The following RNF7 variants were observed in gnomAD, a reference collection of about 807,000 sequenced individuals.
RNF7 encodes the protein RING-box protein 2.
RNF7 carries 9 observed loss-of-function variants against 17.0 expected under a neutral mutation model. The observed-to-expected ratio is 0.53, with a 90% CI of 0.32 to 0.92. The LOEUF is 0.92. RNF7 is among the 40% of genes least tolerant of loss of function. The pLI is 0.04. For synonymous variants in RNF7, 59 were observed against 50.5 expected (o/e 1.17, Z -0.72); for missense variants, 87 against 145.8 (o/e 0.60, Z 2.08).
chr3:141,744,985 C>T (rs1422035755), intron 2 of RNF7, among the ~76,000 whole-genome samples, 174 bp from the exon 3 acceptor site: 1 of 152,160 alleles, frequency 6.6e-6, no homozygotes, highest in African/African-American at 2.4e-5. Context: ...ACTTATGTCT[C>T]TGTGTAACTT....
In RNF7 at chr3:141,747,551, A is replaced by G. The variant is rs1216260315; in HGVS notation, c.*2274A>G. ...AGTGAAATTCATAAATATATTTCCT[A>G]CACATATAATTTAAATGTATGTAAT... On this transcript the variant is annotated 3_prime_UTR_variant, in exon 3 of 3. Coordinates refer to ENST00000273480, the MANE Select transcript of RNF7 (RefSeq NM_014245.5). 1 of 152,212 alleles carries G rather than the reference A, an allele frequency of 6.6e-6. No individual in the cohort carries two copies. Among genetic ancestry groups the G allele is most frequent in the Admixed American group, 6.5e-5 (1 of 15,290 alleles). 9.4% of individuals were successfully genotyped at this position (152,212 alleles called of 1,614,324 possible). A position where few individuals can be genotyped will look rare whatever the true frequency, so the allele number is the denominator to read the frequency against.
chr3:141,744,951 T>G (rs2084456780), intron 2 of RNF7, among the ~76,000 whole-genome samples: 1 of 152,168 alleles, frequency 6.6e-6, no homozygotes, highest in South Asian at 2.1e-4. Flanking sequence ...TCTAGAACAG[T>G]GATGGAAAGG....
chr3:141,738,782 A>G lies in RNF7; in HGVS notation c.175+266A>G, dbSNP rs576613237. Among the ~76,000 whole-genome samples the G allele has an allele frequency of 5.9e-5, 9 of 152,380 alleles. No individual in the cohort carries two copies. The South Asian group carries it at 1.2e-3, about 21-fold the overall frequency. ...GGTGTTCTAGGGAGAGAGACGGGCA[A>G]TAAACGGAGTTAAACAAGGTAATTT... On this transcript the variant is annotated intron_variant, in intron 1 of 2. Coordinates refer to ENST00000273480, the MANE Select transcript of RNF7 (RefSeq NM_014245.5).
chr3:141,739,017 C>T (rs902043402), intron 1 of RNF7, among the ~76,000 whole-genome samples: 1 of 152,194 alleles, frequency 6.6e-6, no homozygotes, highest in African/African-American at 2.4e-5. Context: ...CAAAACGACA[C>T]CCTTAGTTCT....
chr3:141,743,450 G>A (rs1465378107), intron 1 of RNF7, 59 bp from the exon 2 acceptor site: 33 of 1,385,696 alleles, frequency 2.4e-5, no homozygotes, highest in Middle Eastern at 3.9e-4. Flanking sequence ...TGAAGTGTCT[G>A]GTTTTTAAAA....
chr3:141,743,612 G>GTTTCAA (rs2084443269), intron 2 of RNF7, 56 bp downstream of exon 2: 1 of 1,271,584 alleles, frequency 7.9e-7, no homozygotes, highest in Admixed American at 2.1e-5. Flanking sequence ...TCTCAGTAGG[G>GTTTCAA]ATGTTTGAAT....
At chr3:141,741,415 A>C (rs2084415968) in intron 1 of RNF7, among the ~76,000 whole-genome samples, 1 of 152,218 alleles carries the variant, frequency 6.6e-6, no homozygotes, top group Admixed American at 6.5e-5. Flanking sequence ...TCCACACTGA[A>C]GAGACTAGGG....
chr3:141,742,008 T>C (rs2084422909), intron 1 of RNF7, among the ~76,000 whole-genome samples: 1 of 152,006 alleles, frequency 6.6e-6, no homozygotes, highest in African/African-American at 2.4e-5. Flanking sequence ...AAAAAAACTT[T>C]TAGGTTCAGG....
At chr3:141,742,473 G>A (rs978160105) in intron 1 of RNF7, among the ~76,000 whole-genome samples, 2 of 151,868 alleles carry the variant, frequency 1.3e-5, no homozygotes, top group African/African-American at 2.4e-5. Flanking sequence ...TGATCCGCCC[G>A]CCTCAGCCTC....
intron 1 of RNF7, among the ~76,000 whole-genome samples, chr3:141,739,682 T>C (rs1037892943): frequency 3.3e-5 from 5 of 152,204 alleles, no homozygotes; most frequent in African/African-American, 1.2e-4. Context: ...CAGTTTATGC[T>C]CTTTTGTCTT....
At chr3:141,743,596 GT>G (rs1294744592) in intron 2 of RNF7, 40 bp downstream of exon 2, 6 of 1,477,290 alleles carry the variant, frequency 4.1e-6, no homozygotes, top group Admixed American at 1.8e-5. Flanking sequence ...TCAACTGAAG[GT>G]TTTCTCTCAG....
chr3:141,738,383 C>G lies in RNF7; in HGVS notation c.42C>G (p.Ala14=). The change falls in exon 1 of 3, where the codon GCC becomes GCG. Residue 14 remains alanine, a synonymous_variant. Coordinates refer to ENST00000273480, the MANE Select transcript of RNF7 (RefSeq NM_014245.5). ...VEDGEETCAL[A]SHSGSSGSKS... ...ACGGAGAGGAAACCTGCGCCCTGGC[C>G]TCTCACTCCGGGAGCTCAGGCTCCA... is the stretch of plus-strand genomic sequence containing the variant. 6.3e-7 allele frequency: 1 copy of G among 1,598,520 alleles called. No individual in the cohort carries two copies. Among genetic ancestry groups the G allele is most frequent in the Non-Finnish European group, 8.5e-7 (1 of 1,172,898 alleles).
chr3:141,741,998 A>T lies in RNF7; in HGVS notation c.176-1511A>T, dbSNP rs550583369. ...ATTTTCTTTCTTTCTTTTTTTTTTT[A>T]AAAAAACTTTTAGGTTCAGGGCTAC... is the stretch of plus-strand genomic sequence containing the variant. On this transcript the variant is annotated intron_variant, in intron 1 of 2. Transcript: ENST00000273480. Among the ~76,000 whole-genome samples, 442 of 148,894 alleles carry T rather than the reference A, an allele frequency of 3.0e-3. 4 individuals carry two copies. The South Asian group carries it at 0.03, about 10-fold the overall frequency.
At position 141,745,132 on chromosome 3, in the gene RNF7, G is replaced by A. The variant is rs1420360067; in HGVS notation, c.224-27G>A. ...CAGTGTTTAAATTGAAATATGTAAT[G>A]TCAACTCTTCTTTTTCTTTCTTTCA... is the stretch of plus-strand genomic sequence containing the variant. On this transcript the variant is annotated intron_variant, in intron 2 of 2. Transcript: ENST00000273480. 6 of 1,442,954 alleles carry A rather than the reference G, an allele frequency of 4.2e-6. 1 individual carries two copies. The South Asian group carries it at 5.9e-5, about 14-fold the overall frequency. The allele number at this position is 1,442,954 out of a possible 1,614,324, so 89.4% of individuals were successfully genotyped here. A position where few individuals can be genotyped will look rare whatever the true frequency, so the allele number is the denominator to read the frequency against.
At position 141,747,212 on chromosome 3, in the gene RNF7, A is replaced by T. The variant is rs2084483091; in HGVS notation, c.*1935A>T. The T allele has an allele frequency of 6.6e-6, 1 of 152,300 alleles. No homozygotes were observed. The highest frequency in any genetic ancestry group is 1.5e-5 in the Non-Finnish European group (1 of 68,066). 9.4% of individuals were successfully genotyped at this position (152,300 alleles called of 1,614,324 possible). A position where few individuals can be genotyped will look rare whatever the true frequency, so the allele number is the denominator to read the frequency against. On this transcript the variant is annotated 3_prime_UTR_variant, in exon 3 of 3. Transcript: ENST00000273480. The stretch of plus-strand genomic sequence containing the variant: ...TGACAAAGCAGCGCTGATGCTGCTC[A>T]GCCTGCGATGATTACAGCTCATCTG...
At chr3:141,743,984 A>G (rs1403270997) in intron 2 of RNF7, among the ~76,000 whole-genome samples, 1 of 152,202 alleles carries the variant, frequency 6.6e-6, no homozygotes, top group Non-Finnish European at 1.5e-5. Flanking sequence ...CTAAGTCTCA[A>G]GTATATTTTT....
rs188425172 is a variant in RNF7, at chr3:141,740,539, T to C, written c.175+2023T>C. Among the ~76,000 whole-genome samples, 68 of 152,306 alleles carry C rather than the reference T, an allele frequency of 4.5e-4. No homozygotes were observed. The Middle Eastern group carries it at 0.017, about 38-fold the overall frequency. ...TTGCATATTTACAACAGCTGTACTT[T>C]GGGTTCAGGAAATTATTCTAGGCTA... On this transcript the variant is annotated intron_variant, in intron 1 of 2. Transcript: ENST00000273480.
chr3:141,739,730 A>C (rs1267811652), intron 1 of RNF7, among the ~76,000 whole-genome samples: 1 of 152,202 alleles, frequency 6.6e-6, no homozygotes, highest in Non-Finnish European at 1.5e-5. Context: ...GATTTACAAC[A>C]ATTGGATTCA....
chr3:141,743,112 TAAACA>T (rs906295133), intron 1 of RNF7: 211 of 188,142 alleles, frequency 1.1e-3, no homozygotes, highest in African/African-American at 4.6e-3. Context: ...GATGTATGTA[TAAACA>T]AATGCTAACA....
Sources: gnomAD v4.1 joint callset for allele counts (sites outside exome capture counted in the v4.1 genomes callset) on GRCh38, gnomAD v4.1.1 for gene constraint, MANE v1.5 for transcripts, NCBI Gene and HGNC (gene_info 2026-07-23, HGNC 2026-07-21) for gene names.